TBC1D5: variants seen among roughly 807,000 people sequenced by gnomAD.
TBC1D5 encodes the protein TBC1 domain family member 5.
TBC1D5 carries 75 observed loss-of-function variants against 100.3 expected under a neutral mutation model. The ratio of observed to expected loss-of-function variants is 0.75; its 90% CI spans 0.62 to 0.91. TBC1D5 has a LOEUF of 0.91. Among genes scored for constraint, TBC1D5 ranks in the 40% least tolerant of loss-of-function variants. The pLI is 0.00. For missense variants in TBC1D5, 910 were observed against 942.4 expected (o/e 0.97, Z 0.45); for synonymous variants, 323 against 325.6 (o/e 0.99, Z 0.09).
chr3:17,317,653 A>G (rs2084864941), intron 13 of TBC1D5, among the ~76,000 whole-genome samples: 2 of 152,216 alleles, frequency 1.3e-5, no homozygotes, highest in African/African-American at 4.8e-5. Flanking sequence ...AACCAAGGAA[A>G]ATGTATTTTT....
At chr3:17,196,810 T>C (rs1456959428) in intron 18 of TBC1D5, among the ~76,000 whole-genome samples, 1 of 152,208 alleles carries the variant, frequency 6.6e-6, no homozygotes, top group Non-Finnish European at 1.5e-5. Flanking sequence ...AGAAGCTGCA[T>C]GTCATGAACT....
intron 4 of TBC1D5, among the ~76,000 whole-genome samples, chr3:17,414,028 A>G (rs2094003177): frequency 6.6e-6 from 1 of 152,230 alleles, no homozygotes; most frequent in Non-Finnish European, 1.5e-5. Flanking sequence ...GAGATAAGGT[A>G]GAAAGTTGCT....
rs549600556 is a variant in TBC1D5, at chr3:17,548,406, T to A, written c.-35-39801A>T. Among the ~76,000 whole-genome samples the A allele has an allele frequency of 1.2e-3, 181 of 152,304 alleles. 1 individual carries two copies. The highest frequency in any genetic ancestry group is 2.2e-3 in the Non-Finnish European group (152 of 68,034). ...CTTCTCTATGAAAATACTTCCAAAG[T>A]TATTCAGCAACTATCCCACAGTGTT... On this transcript the variant is annotated intron_variant, in intron 2 of 21. Coordinates refer to ENST00000253692, the Ensembl canonical transcript of TBC1D5.
intron 9 of TBC1D5, among the ~76,000 whole-genome samples, chr3:17,383,079 C>G (rs12330131): frequency 2.0e-5 from 3 of 151,794 alleles, no homozygotes; most frequent in East Asian, 1.9e-4. Context: ...TAAAAATGTA[C>G]GATTTGGTAT....
intron 1 of TBC1D5, among the ~76,000 whole-genome samples, chr3:17,624,826 G>A (rs897339817): frequency 6.6e-6 from 1 of 151,872 alleles, no homozygotes; most frequent in African/African-American, 2.4e-5. Context: ...TTTCTTCTCG[G>A]ATACTTAAAA....
chr3:17,175,867 C>T (rs1367448806), intron 19 of TBC1D5, among the ~76,000 whole-genome samples: 1 of 152,196 alleles, frequency 6.6e-6, no homozygotes, highest in African/African-American at 2.4e-5. Context: ...TGAACATCAG[C>T]CTTTAAATCC....
intron 1 of TBC1D5, among the ~76,000 whole-genome samples, chr3:17,699,492 A>G (rs2072785272): frequency 6.9e-6 from 1 of 144,978 alleles, no homozygotes; most frequent in Non-Finnish European, 1.5e-5. Flanking sequence ...ATGTATACAT[A>G]TGTAACTAAC....
intron 3 of TBC1D5, among the ~76,000 whole-genome samples, chr3:17,429,256 A>G (rs191841996): frequency 2.0e-5 from 3 of 152,110 alleles, no homozygotes; most frequent in Admixed American, 2.0e-4. Context: ...AAGTAAATGT[A>G]CTAAAGTTGG....
intron 1 of TBC1D5, among the ~76,000 whole-genome samples, chr3:17,704,823 G>A (rs2073800503): frequency 1.1e-5 from 1 of 94,454 alleles, no homozygotes; most frequent in Admixed American, 8.9e-5. Flanking sequence ...GCCGGGCGGA[G>A]GGCTGACCCC....
At chr3:17,455,342 A>G (rs1346436965) in intron 3 of TBC1D5, among the ~76,000 whole-genome samples, 4 of 146,574 alleles carry the variant, frequency 2.7e-5, no homozygotes, top group African/African-American at 5.0e-5. Flanking sequence ...ATGTATATGT[A>G]TATATGTATA....
intron 1 of TBC1D5, among the ~76,000 whole-genome samples, chr3:17,663,779 T>C (rs920836092): frequency 6.6e-6 from 1 of 152,184 alleles, no homozygotes; most frequent in Non-Finnish European, 1.5e-5. Flanking sequence ...TGGAAAATTC[T>C]AATAACCCAA....
intron 8 of TBC1D5, among the ~76,000 whole-genome samples, chr3:17,385,935 T>C (rs1246307752): frequency 6.6e-6 from 1 of 152,098 alleles, no homozygotes; most frequent in Non-Finnish European, 1.5e-5. Context: ...AACTGCAGAA[T>C]GATGTCAAAT....
At chr3:17,196,540 C>A (rs1345415010) in intron 18 of TBC1D5, among the ~76,000 whole-genome samples, 1 of 152,162 alleles carries the variant, frequency 6.6e-6, no homozygotes, top group Non-Finnish European at 1.5e-5. Context: ...GTAAAGGGCC[C>A]TACAGGGCAT....
At chr3:17,612,475 C>T (rs529447892) in intron 2 of TBC1D5, among the ~76,000 whole-genome samples, 92 of 151,510 alleles carry the variant, frequency 6.1e-4, no homozygotes, top group African/African-American at 1.9e-3. Flanking sequence ...TAAAAAAATA[C>T]GAAAATTAGT....
chr3:17,187,694 C>T (rs1422607248), intron 18 of TBC1D5, among the ~76,000 whole-genome samples: 2 of 152,202 alleles, frequency 1.3e-5, no homozygotes, highest in Non-Finnish European at 2.9e-5. Context: ...CCTGGTCCTG[C>T]CTGGTCCTCC....
At chr3:17,195,265 C>A (rs1271729860) in intron 18 of TBC1D5, among the ~76,000 whole-genome samples, 1 of 152,166 alleles carries the variant, frequency 6.6e-6, no homozygotes, top group African/African-American at 2.4e-5. Flanking sequence ...CCTGACCAAT[C>A]ATTTGGAAAC....
intron 13 of TBC1D5, among the ~76,000 whole-genome samples, chr3:17,348,574 G>A (rs571490082): frequency 4.9e-4 from 74 of 152,234 alleles, no homozygotes; most frequent in African/African-American, 1.7e-3. Context: ...CTTCTTGGCT[G>A]TCTTTTTTTC....
intron 2 of TBC1D5, among the ~76,000 whole-genome samples, chr3:17,550,999 T>C (rs2096467525): frequency 6.6e-6 from 1 of 152,220 alleles, no homozygotes. Flanking sequence ...ACTTTCAATA[T>C]ATAGCTTTAA....
Position 17,372,001 on chromosome 3 carries a change from C to T in TBC1D5, c.995+74G>A, listed in dbSNP as rs553782595. 1.8e-4 allele frequency: 257 copies of T among 1,428,266 alleles called. 2 individuals carry two copies. In the Middle Eastern group the frequency reaches 2.8e-3, roughly 16 times the overall value. The allele number at this position is 1,428,266 out of a possible 1,614,324, so 88.5% of individuals were successfully genotyped here. A position where few individuals can be genotyped will look rare whatever the true frequency, so the allele number is the denominator to read the frequency against. ...GCAGTAAGCCAAGATCATGCCACTGCACTCTAGCATGGGTGAAAGATGGAG... is the reference window on the plus strand; with the variant it reads ...GCAGTAAGCCAAGATCATGCCACTGTACTCTAGCATGGGTGAAAGATGGAG... On this transcript the variant is annotated intron_variant, in intron 13 of 21. Transcript: ENST00000253692.
Sources: gnomAD v4.1 joint callset for allele counts (sites outside exome capture counted in the v4.1 genomes callset) on GRCh38, gnomAD v4.1.1 for gene constraint, MANE v1.5 for transcripts, NCBI Gene and HGNC (gene_info 2026-07-23, HGNC 2026-07-21) for gene names.